Variants in WDR62 observed in about 807,000 individuals in gnomAD.
The protein encoded by WDR62 is WD repeat domain 62, also known as WD repeat-containing protein 62.
WDR62 carries 112 observed loss-of-function variants against 160.6 expected under a neutral mutation model. The observed-to-expected ratio is 0.70, with a 90% CI of 0.60 to 0.82. The LOEUF (loss-of-function observed/expected upper bound fraction) is 0.82. Among genes scored for constraint, WDR62 ranks in the 40% least tolerant of loss-of-function variants. WDR62 has a pLI of 0.00. For missense variants in WDR62, 1,819 were observed against 1,983.8 expected (o/e 0.92, Z 1.58); for synonymous variants, 792 against 815.1 (o/e 0.97, Z 0.48).
At position 36,084,616 on chromosome 19, in the gene WDR62, GGGTGTGGGGCTTCAGCGGGC is replaced by G; in HGVS notation, c.1551-30_1551-11del. 6.2e-7 allele frequency: 1 copy of G among 1,601,086 alleles called. No homozygotes were observed. On this transcript the variant is annotated splice_polypyrimidine_tract_variant and intron_variant, in intron 11 of 31. Transcript: ENST00000401500. ...AGAAGTGGTAGAGCACATGGGGCTG[GGGTGTGGGGCTTCAGCGGGC>G]GGTGTGTGTCTCCCAGGATCCACGA...
chr19:36,103,758 G>A lies in WDR62; in HGVS notation c.3930G>A (p.Gln1310=). 1 of 1,610,776 alleles carries A rather than the reference G, an allele frequency of 6.2e-7. No homozygotes were observed. Among genetic ancestry groups the A allele is most frequent in the Non-Finnish European group, 8.5e-7 (1 of 1,179,816 alleles). The change falls in exon 30 of 32, where the codon CAG becomes CAA. Residue 1310 remains glutamine (Q), a synonymous_variant. Transcript: ENST00000401500. The stretch of plus-strand genomic sequence containing the variant: ...CAAGTGCCTGTGATGGGCTCCTGCA[G>A]CCCCCCGTGGATACCCAGCCTGGCG... ...TLSSACDGLL[Q]PPVDTQPGVT...
rs1196639536 is a variant in WDR62, at chr19:36,089,254, A to G, written c.1906A>G (p.Ile636Val). 1.9e-6 allele frequency: 3 copies of G among 1,614,164 alleles called. No homozygotes were observed. Among genetic ancestry groups the G allele is most frequent in the Admixed American group, 1.7e-5 (1 of 60,022 alleles). The change falls in exon 15 of 32, where the codon ATT becomes GTT. Residue 636 changes from isoleucine (I) to valine (V), a missense_variant. Ile to Val is a conservative substitution (Grantham distance 29). Transcript: ENST00000401500. ...AEKTTLYDMDIDITQKYVAVA... is the reference protein window; with the variant it reads ...AEKTTLYDMDVDITQKYVAVA... ...GAAAACCACCTTGTATGACATGGAC[A>G]TTGACATCACCCAGAAGTACGTGGC...
At chr19:36,101,102 C>A in intron 23 of WDR62, 112 bp from the exon 24 acceptor site, 1 of 1,201,834 alleles carries the variant, frequency 8.3e-7, no homozygotes, top group Non-Finnish European at 1.2e-6. Flanking sequence ...GAGGCTGTCG[C>A]AGTGCTCCTG....
chr19:36,099,696 C>T, intron 22 of WDR62, 79 bp downstream of exon 22: 1 of 1,390,528 alleles, frequency 7.2e-7, no homozygotes. Flanking sequence ...GGCTGACTCC[C>T]ACTCCATGGG....
At chr19:36,066,060 C>G in intron 4 of WDR62, 45 bp downstream of exon 4, 1 of 1,607,374 alleles carries the variant, frequency 6.2e-7, no homozygotes, top group Non-Finnish European at 8.5e-7. Context: ...GCTGGGGGGT[C>G]TTGGAAGCCA....
intron 11 of WDR62, 80 bp from the exon 12 acceptor site, chr19:36,084,573 G>T: frequency 1.5e-6 from 2 of 1,356,934 alleles, no homozygotes; most frequent in East Asian, 2.3e-5. Context: ...TGGTGGCCTG[G>T]CCATTCTGAC....
At chr19:36,096,935 G>T in intron 20 of WDR62, 92 bp from the exon 21 acceptor site, 1 of 1,157,848 alleles carries the variant, frequency 8.6e-7, no homozygotes, top group Non-Finnish European at 1.3e-6. Context: ...CTTCTGGGTT[G>T]TGGTGTTGCC....
At chr19:36,066,776 C>T (rs1397969051) in intron 5 of WDR62, among the ~76,000 whole-genome samples, 1 of 152,202 alleles carries the variant, frequency 6.6e-6, no homozygotes, top group Non-Finnish European at 1.5e-5. Flanking sequence ...GGCTTTGGAA[C>T]AGCTGTGGAG....
chr19:36,079,389 G>A (rs903244388), intron 9 of WDR62, among the ~76,000 whole-genome samples: 1 of 152,180 alleles, frequency 6.6e-6, no homozygotes, highest in Non-Finnish European at 1.5e-5. Context: ...GTTAAAATAT[G>A]GCAGCCTGCT....
chr19:36,069,154 G>A lies in WDR62; in HGVS notation c.882+1144G>A, dbSNP rs1227119819. ...CCCCCACCTCCCTCCCGGACTGGGC[G>A]GCTGGCCGGGCGGGGGCTGACCCCC... On this transcript the variant is annotated intron_variant, in intron 7 of 31. Coordinates refer to ENST00000401500, the MANE Select transcript of WDR62 (RefSeq NM_001083961.2). 4.8e-5 allele frequency among the ~76,000 whole-genome samples: 7 copies of A among 145,846 alleles called. No homozygotes were observed. The East Asian group carries it at 1.4e-3, about 28-fold the overall frequency.
chr19:36,090,017 G>A (rs1972492789), intron 15 of WDR62, among the ~76,000 whole-genome samples: 1 of 152,232 alleles, frequency 6.6e-6, no homozygotes, highest in Non-Finnish European at 1.5e-5. Context: ...GACAGTGACA[G>A]AGTGGTCAGA....
rs2301737 is a variant in WDR62, at chr19:36,094,002, C to T, written c.2334-29C>T. The T allele has an allele frequency of 0.19, 307,255 of 1,612,212 alleles. 30,717 individuals carry two copies. The highest frequency in any genetic ancestry group is 0.22 in the Middle Eastern group (1,228 of 5,490). ...CCACCAGCCCATTTGCCTGTATTCT[C>T]TCCTTACCATCCTCATTCCTGGCTT... On this transcript the variant is annotated intron_variant, in intron 19 of 31. Transcript: ENST00000401500.
chr19:36,076,500 G>A (rs1217689713), intron 9 of WDR62, among the ~76,000 whole-genome samples: 1 of 151,220 alleles, frequency 6.6e-6, no homozygotes, highest in Non-Finnish European at 1.5e-5. Context: ...AGAGGTTGCA[G>A]TAAGCCAAGA....
intron 9 of WDR62, chr19:36,074,304 GGAAA>G (rs1568338039): frequency 2.1e-5 from 3 of 142,370 alleles, no homozygotes; most frequent in African/African-American, 7.9e-5. Context: ...ACCATGTCTA[GGAAA>G]AAAAAAAAAG....
At chr19:36,077,755 C>T (rs1237219689) in intron 9 of WDR62, among the ~76,000 whole-genome samples, 1 of 152,014 alleles carries the variant, frequency 6.6e-6, no homozygotes, top group Non-Finnish European at 1.5e-5. Context: ...GCCACCATGC[C>T]TGATGAATTT....
intron 23 of WDR62, 124 bp from the exon 24 acceptor site, chr19:36,101,090 G>A: frequency 5.1e-6 from 6 of 1,170,428 alleles, no homozygotes; most frequent in Non-Finnish European, 7.5e-6. Flanking sequence ...GGAGGAGGCG[G>A]GGAGGCTGTC....
Position 36,100,868 on chromosome 19 carries a change from A to G in WDR62, c.2860A>G (p.Thr954Ala). Residue 954 changes from threonine to alanine, a missense_variant, in exon 23 of 32, where the codon ACA (threonine) becomes GCA (alanine). By Grantham distance (58) the Thr-to-Ala change is moderately conservative. This residue lies in a region of WDR62 where 934 missense variants were observed against 1,157.2 expected (regional missense o/e 0.81). Coordinates refer to ENST00000401500, the MANE Select transcript of WDR62 (RefSeq NM_001083961.2). ...SLEAEVTVTG[T>A]DSQYCRKEVE... ...GGAGGCAGAAGTGACAGTCACAGGG[A>G]CAGACAGGTGGGTGTCCTTTCCACC... 6.2e-7 allele frequency: 1 copy of G among 1,614,118 alleles called. No homozygotes were observed. The highest frequency in any genetic ancestry group is 1.1e-5 in the South Asian group (1 of 91,078).
Position 36,090,538 on chromosome 19 carries a change from CCT to C in WDR62, c.2034+19_2034+20del, listed in dbSNP as rs757798679. On this transcript the variant is annotated intron_variant, in intron 16 of 31. Transcript: ENST00000401500. ...TGCTGAAGGTGAGGAGTTGGAGACC[CCT>C]GTCTGTCTGCTGCCCTGATGGGCCA... 29 of 1,613,314 alleles carry C rather than the reference CCT, an allele frequency of 1.8e-5. No individual in the cohort carries two copies. The highest frequency in any genetic ancestry group is 2.3e-5 in the Non-Finnish European group (27 of 1,179,342).
At position 36,073,545 on chromosome 19, in the gene WDR62, C is replaced by G. The variant is rs893312267; in HGVS notation, c.1233+14C>G. 28 of 1,496,920 alleles carry G rather than the reference C, an allele frequency of 1.9e-5. 1 individual carries two copies. In the African/African-American group the frequency reaches 2.1e-4, roughly 11 times the overall value. 92.7% of individuals were successfully genotyped at this position (1,496,920 alleles called of 1,614,324 possible). ...TGGAACGTGGAGGTGAGCCCCCCCC[C>G]CACCCCCTTGCCCCTGCTTGGCCTC... On this transcript the variant is annotated intron_variant, in intron 9 of 31. Transcript: ENST00000401500.
Sources: allele counts gnomAD v4.1 joint callset (sites outside exome capture counted in the v4.1 genomes callset), GRCh38; gene constraint gnomAD v4.1.1; regional missense constraint gnomAD v4.1.1; transcripts MANE v1.5; gene names NCBI Gene and HGNC (gene_info 2026-07-23, HGNC 2026-07-21).